The following LRRC4C variants were observed in gnomAD, a reference collection of about 807,000 sequenced individuals.
LRRC4C encodes leucine rich repeat containing 4C, also known as leucine-rich repeat-containing protein 4C.
LRRC4C carries 5 observed loss-of-function variants against 33.6 expected under a neutral mutation model. The observed-to-expected ratio is 0.15, with a 90% CI of 0.08 to 0.31. The LOEUF is 0.31. Ranked by LOEUF, LRRC4C falls within the 10% of genes least tolerant of loss-of-function variation. The probability of loss-of-function intolerance (pLI) is 1.00; values close to 1 mark genes in which losing one functional copy is unlikely to be tolerated. For synonymous variants in LRRC4C, 329 were observed against 302.0 expected (o/e 1.09, Z -0.93); for missense variants, 560 against 796.7 (o/e 0.70, Z 3.58).
At chr11:40,720,323 C>G (rs1447597884) in intron 2 of LRRC4C, among the ~76,000 whole-genome samples, 1 of 152,136 alleles carries the variant, frequency 6.6e-6, no homozygotes, top group East Asian at 1.9e-4. Context: ...CTAGTTCAAA[C>G]TGTCAGAAAA....
At chr11:41,078,624 T>C (rs1939332830) in intron 1 of LRRC4C, among the ~76,000 whole-genome samples, 1 of 152,042 alleles carries the variant, frequency 6.6e-6, no homozygotes, top group Non-Finnish European at 1.5e-5. Context: ...AACTCACTCA[T>C]TAAGAGAACA....
intron 1 of LRRC4C, among the ~76,000 whole-genome samples, chr11:40,951,543 T>C (rs541624887): frequency 6.3e-4 from 96 of 152,188 alleles, no homozygotes; most frequent in Non-Finnish European, 1.1e-3. Context: ...ACTGTACAGA[T>C]ATCAATTTTG....
At chr11:40,201,134 C>T (rs945563344) in intron 5 of LRRC4C, among the ~76,000 whole-genome samples, 4 of 152,134 alleles carry the variant, frequency 2.6e-5, no homozygotes, top group Admixed American at 2.6e-4. Context: ...AAAAGTGTAT[C>T]CATCCTGCAG....
chr11:40,590,276 C>CT (rs1958977887), intron 3 of LRRC4C, among the ~76,000 whole-genome samples: 2 of 151,470 alleles, frequency 1.3e-5, no homozygotes, highest in South Asian at 2.1e-4. Flanking sequence ...GCATCGTCTC[C>CT]TGAGGCTTCT....
intron 3 of LRRC4C, among the ~76,000 whole-genome samples, chr11:40,517,062 G>A (rs1420033071): frequency 6.6e-6 from 1 of 152,072 alleles, no homozygotes; most frequent in Non-Finnish European, 1.5e-5. Context: ...GTTCTGGCTT[G>A]ACTTTCTCTG....
At chr11:40,834,326 G>T (rs1952556824) in intron 2 of LRRC4C, among the ~76,000 whole-genome samples, 1 of 151,746 alleles carries the variant, frequency 6.6e-6, no homozygotes, top group Non-Finnish European at 1.5e-5. Flanking sequence ...CAAAAATTAG[G>T]CAGGCATGGT....
Position 41,282,853 on chromosome 11 carries a change from G to A in LRRC4C, c.-496+176578C>T, listed in dbSNP as rs144943194. Among the ~76,000 whole-genome samples, 5 of 152,244 alleles carry A rather than the reference G, an allele frequency of 3.3e-5. No homozygotes were observed. The East Asian group carries it at 5.8e-4, about 18-fold the overall frequency. ...CCACTGTGCAGCTGGGCAGCCCTCA[G>A]CCTGTCTTTTCATTTTAACTGGGTT... is the stretch of plus-strand genomic sequence containing the variant. On this transcript the variant is annotated intron_variant, in intron 1 of 6. Coordinates refer to ENST00000528697, the MANE Select transcript of LRRC4C (RefSeq NM_001258419.2).
intron 1 of LRRC4C, among the ~76,000 whole-genome samples, chr11:41,117,501 G>A (rs1339726932): frequency 6.6e-6 from 1 of 152,026 alleles, no homozygotes; most frequent in Non-Finnish European, 1.5e-5. Flanking sequence ...TTTTATTTAT[G>A]TATGTATGTA....
chr11:41,419,596 G>A (rs970375418), intron 1 of LRRC4C, among the ~76,000 whole-genome samples: 1 of 151,846 alleles, frequency 6.6e-6, no homozygotes, highest in African/African-American at 2.4e-5. Flanking sequence ...AATGCCAAGA[G>A]TTTCAAGTTT....
chr11:41,224,215 T>G (rs1347640560), intron 1 of LRRC4C, among the ~76,000 whole-genome samples: 2 of 152,204 alleles, frequency 1.3e-5, no homozygotes, highest in Non-Finnish European at 2.9e-5. Context: ...GAATCATCTG[T>G]TCTTTTTACT....
intron 6 of LRRC4C, among the ~76,000 whole-genome samples, chr11:40,118,045 AT>A (rs1855562145): frequency 6.7e-6 from 1 of 148,848 alleles, no homozygotes; most frequent in South Asian, 2.1e-4. Context: ...TACTAATTTC[AT>A]TATAAATAGT....
chr11:41,240,639 G>T (rs928623681), intron 1 of LRRC4C, among the ~76,000 whole-genome samples: 2 of 152,086 alleles, frequency 1.3e-5, no homozygotes, highest in Admixed American at 6.6e-5. Context: ...TTGCATAAGT[G>T]GATTCTTAAT....
In LRRC4C at chr11:40,179,231, C is replaced by A. The variant is rs56196858; in HGVS notation, c.-95-38378G>T. On this transcript the variant is annotated intron_variant, in intron 5 of 6. Coordinates refer to ENST00000528697, the MANE Select transcript of LRRC4C (RefSeq NM_001258419.2). ...TGGTGCCTAGACTGATCTCCAACTC[C>A]TGAGCTCAAGGATCCTCCCATCTCA... Among the ~76,000 whole-genome samples the A allele has an allele frequency of 8.7e-3, 1,330 of 152,070 alleles. 13 individuals carry two copies. Among genetic ancestry groups the A allele is most frequent in the Non-Finnish European group, 0.014 (929 of 68,006 alleles).
Position 40,993,091 on chromosome 11 carries a change from T to A in LRRC4C, c.-495-59368A>T, listed in dbSNP as rs116766496. On this transcript the variant is annotated intron_variant, in intron 1 of 6. Coordinates refer to ENST00000528697, the MANE Select transcript of LRRC4C (RefSeq NM_001258419.2). ...AAATAAAATAATAATTTTAGTTGAC[T>A]AAGTATTTATGAATCCAAGTTATTT... Among the ~76,000 whole-genome samples, 484 of 152,334 alleles carry A rather than the reference T, an allele frequency of 3.2e-3. 7 individuals carry two copies. In the South Asian group the frequency reaches 0.036, roughly 11 times the overall value.
intron 1 of LRRC4C, among the ~76,000 whole-genome samples, chr11:41,188,447 T>C (rs1171652934): frequency 6.6e-6 from 1 of 152,110 alleles, no homozygotes; most frequent in Non-Finnish European, 1.5e-5. Context: ...CCTTCGGAGT[T>C]AGACTACCTG....
chr11:41,351,254 C>T (rs111583614), intron 1 of LRRC4C, among the ~76,000 whole-genome samples: 5 of 23,270 alleles, frequency 2.1e-4, no homozygotes, highest in South Asian at 1.1e-3. Context: ...CACACACATA[C>T]ACACACACAC....
At chr11:40,834,903 GACAGACAGACACAC>G (rs1232668277) in intron 2 of LRRC4C, among the ~76,000 whole-genome samples, 5 of 39,056 alleles carry the variant, frequency 1.3e-4, no homozygotes, top group African/African-American at 2.2e-4. Flanking sequence ...CAGACAGACA[GACAGACAGACACAC>G]ACACACACAC....
intron 3 of LRRC4C, among the ~76,000 whole-genome samples, chr11:40,489,441 C>T (rs184146284): frequency 3.1e-4 from 47 of 152,194 alleles, no homozygotes; most frequent in Non-Finnish European, 4.4e-5. Context: ...CTCTCTGGGT[C>T]AGGCAGGCCT....
Position 40,596,280 on chromosome 11 carries a change from CAT to C in LRRC4C, c.-270+51860_-270+51861del, listed in dbSNP as rs1959286093. On this transcript the variant is annotated intron_variant, in intron 3 of 6. Coordinates refer to ENST00000528697, the MANE Select transcript of LRRC4C (RefSeq NM_001258419.2). ...CAAAATTAGCTTGTTTATTAAAAAA[CAT>C]ATAAACCCAATAGTCTTTTTTCTCT... Among the ~76,000 whole-genome samples the C allele has an allele frequency of 2.6e-5, 4 of 152,226 alleles. No homozygotes were observed. The South Asian group carries it at 8.3e-4, about 32-fold the overall frequency.
Sources: gnomAD v4.1 joint callset for allele counts (sites outside exome capture counted in the v4.1 genomes callset) on GRCh38, gnomAD v4.1.1 for gene constraint, MANE v1.5 for transcripts, NCBI Gene and HGNC (gene_info 2026-07-23, HGNC 2026-07-21) for gene names.